The following FLII variants were observed in gnomAD, a reference collection of about 807,000 sequenced individuals.
FLII encodes FLII actin remodeling protein.
Under a neutral mutation model 156.2 loss-of-function variants are expected in FLII, and 101 were observed. The ratio of observed to expected loss-of-function variants is 0.65; its 90% CI spans 0.55 to 0.76. The LOEUF (loss-of-function observed/expected upper bound fraction) is 0.76, where lower values mean the gene tolerates loss of function less well. Ranked by LOEUF, FLII falls within the 30% of genes least tolerant of loss-of-function variation. The pLI, the probability that FLII is intolerant of heterozygous loss-of-function variation, is 0.00. For missense variants in FLII, 1,675 were observed against 1,682.8 expected (o/e 1.00, Z 0.08); for synonymous variants, 767 against 685.8 (o/e 1.12, Z -1.85).
chr17:18,248,919 G>A (rs1183607588), intron 16 of FLII, 36 bp from the exon 17 acceptor site: 4 of 1,565,074 alleles, frequency 2.6e-6, no homozygotes, highest in Non-Finnish European at 8.8e-7. Flanking sequence ...CTGTGATGGT[G>A]CATGGGGCAA....
At chr17:18,249,468 G>T in intron 14 of FLII, 60 bp from the exon 15 acceptor site, 1 of 1,325,676 alleles carries the variant, frequency 7.5e-7, no homozygotes, top group Non-Finnish European at 1.1e-6. Flanking sequence ...ACCAACCACT[G>T]CCCCTCAGGT....
chr17:18,255,149 A>G, intron 4 of FLII, 34 bp downstream of exon 4: 2 of 1,523,548 alleles, frequency 1.3e-6, no homozygotes, highest in South Asian at 2.2e-5. Context: ...TGGTCCGGCT[A>G]GCACAGGGGC....
At position 18,258,028 on chromosome 17, in the gene FLII, A is replaced by C. The variant is rs1026259061; in HGVS notation, c.63+600T>G. 1.3e-5 allele frequency among the ~76,000 whole-genome samples: 2 copies of C among 152,084 alleles called. No homozygotes were observed. The highest frequency in any genetic ancestry group is 2.9e-5 in the Non-Finnish European group (2 of 68,018). The stretch of plus-strand genomic sequence containing the variant: ...TCCAGCAGCTGCTCAGACAACTGCC[A>C]CCCAGCACCTGGCACACCGGCCTGA... On this transcript the variant is annotated intron_variant, in intron 1 of 29. Coordinates refer to ENST00000327031, the MANE Select transcript of FLII (RefSeq NM_002018.4). The surrounding 1 kb of genome is among the most constrained non-coding windows in gnomAD (Gnocchi z 4.2).
chr17:18,245,855 G>C lies in FLII; in HGVS notation c.3397-5C>G, dbSNP rs201102528. Reference sequence around the variant, plus strand: ...CTCCTCACCTTCGTTGATAACCTGCGGGAAAGGCCAGTCCAGCCCAGGGCC... The same window carrying C: ...CTCCTCACCTTCGTTGATAACCTGCCGGAAAGGCCAGTCCAGCCCAGGGCC... On this transcript the variant is annotated splice_region_variant and splice_polypyrimidine_tract_variant and intron_variant, in intron 26 of 29. Coordinates refer to ENST00000327031, the MANE Select transcript of FLII (RefSeq NM_002018.4). 13 of 1,613,826 alleles carry C rather than the reference G, an allele frequency of 8.1e-6. No individual in the cohort carries two copies. The highest frequency in any genetic ancestry group is 1.1e-5 in the Non-Finnish European group (13 of 1,179,956).
rs765020654 is a variant in FLII at position 18,247,801 on chromosome 17, C to G, written c.2343G>C (p.Trp781Cys). 1 of 1,612,814 alleles carries G rather than the reference C, an allele frequency of 6.2e-7. No homozygotes were observed. Among genetic ancestry groups the G allele is most frequent in the South Asian group, 1.1e-5 (1 of 91,078 alleles). ...DTRCVYILDC[W>C]SDVFIWLGRK... is the part of the protein sequence containing the mutation. ...GGCCGAGCCAGATGAACACGTCGGA[C>G]CAACAGTCCAGAATGTACACGCAGC... The change falls in exon 20 of 30, where the codon TGG becomes TGC. Residue 781 changes from tryptophan (W) to cysteine (C), a missense_variant. By Grantham distance (215) the Trp-to-Cys change is radical (BLOSUM62 -2). Transcript: ENST00000327031.
chr17:18,254,748 T>G, intron 5 of FLII, 21 bp downstream of exon 5: 1 of 1,614,014 alleles, frequency 6.2e-7, no homozygotes. Context: ...ACCTGCCCCC[T>G]GCCCCCCACT....
Position 18,258,605 on chromosome 17 carries a change from G to A in FLII, c.63+23C>T, listed in dbSNP as rs1378832732. ...GAAGAGAAGGCCTGCAGGGAGGCCCGGCACGCGCCCGGCCCGGCTCACCTT... is the reference window on the plus strand; with the variant it reads ...GAAGAGAAGGCCTGCAGGGAGGCCCAGCACGCGCCCGGCCCGGCTCACCTT... On this transcript the variant is annotated intron_variant, in intron 1 of 29. Coordinates refer to ENST00000327031, the MANE Select transcript of FLII (RefSeq NM_002018.4). This position sits in a 1 kb window ranked among gnomAD's most constrained non-coding sequence, Gnocchi z 4.2. The A allele has an allele frequency of 3.2e-6, 5 of 1,548,354 alleles. No homozygotes were observed. The highest frequency in any genetic ancestry group is 4.3e-6 in the Non-Finnish European group (5 of 1,156,650).
In FLII at chr17:18,244,966, C is replaced by T. The variant is rs552089359; in HGVS notation, c.*172G>A. On this transcript the variant is annotated 3_prime_UTR_variant, in exon 30 of 30. Transcript: ENST00000327031. ...TGGAGAGAGTTGGATTTCCCAGACCCCTGAGGGCACCTGTCAGGGTCATCC... is the reference window on the plus strand; with the variant it reads ...TGGAGAGAGTTGGATTTCCCAGACCTCTGAGGGCACCTGTCAGGGTCATCC... The T allele has an allele frequency of 1.4e-6, 1 of 718,266 alleles. No individual in the cohort carries two copies. The highest frequency in any genetic ancestry group is 2.4e-5 in the Admixed American group (1 of 41,678). 44.5% of individuals were successfully genotyped at this position (718,266 alleles called of 1,614,324 possible). A position where few individuals can be genotyped will look rare whatever the true frequency, so the allele number is the denominator to read the frequency against.
chr17:18,253,346 A>C lies in FLII; in HGVS notation c.968T>G (p.Met323Arg). Residue 323 changes from methionine to arginine, a missense_variant, in exon 9 of 30, where the codon ATG (methionine) becomes AGG (arginine). Around this residue, in one of 2 missense-constraint regions of FLII, gnomAD observed 1,332 missense variants for 1,269.3 expected, o/e 1.05. Coordinates refer to ENST00000327031, the MANE Select transcript of FLII (RefSeq NM_002018.4). Reference sequence around the variant, plus strand: ...CAGCTCCAGGTTGTTGTTGGCAGCCATGAACTCTTCCAGGTTGGTGAGCTT... The same window carrying C: ...CAGCTCCAGGTTGTTGTTGGCAGCCCTGAACTCTTCCAGGTTGGTGAGCTT... ...IGKLTNLEEF[M>R]AANNNLELVP... 1 of 1,613,960 alleles carries C rather than the reference A, an allele frequency of 6.2e-7. No homozygotes were observed.
At chr17:18,245,872 C>T (rs1372794432) in intron 26 of FLII, 22 bp from the exon 27 acceptor site, 4 of 1,613,928 alleles carry the variant, frequency 2.5e-6, no homozygotes, top group Non-Finnish European at 3.4e-6. Context: ...GCCAGTCCAG[C>T]CCAGGGCCCC....
In FLII at chr17:18,249,376, A is replaced by G. The variant is rs776519015; in HGVS notation, c.1809T>C (p.Gly603=). 3.4e-5 allele frequency: 55 copies of G among 1,613,734 alleles called. 1 individual carries two copies. The South Asian group carries it at 5.8e-4, about 17-fold the overall frequency. The change falls in exon 15 of 30, where the codon GGT becomes GGC. Residue 603 remains glycine (G), a synonymous_variant. Transcript: ENST00000327031. The part of the protein sequence containing the change: ...VFDNDISYIE[G]GTASGFYTVE... ...CAGTGTAGAAGCCACTGGCTGTTCC[A>G]CCCTCAATGTAGGAGATGTCGTTGT...
In FLII at chr17:18,256,908, C is replaced by G; in HGVS notation, c.174+1G>C. 1 of 1,601,536 alleles carries G rather than the reference C, an allele frequency of 6.2e-7. No individual in the cohort carries two copies. The highest frequency in any genetic ancestry group is 8.5e-7 in the Non-Finnish European group (1 of 1,173,004). On this transcript the variant is annotated splice_donor_variant, in intron 2 of 29. Coordinates refer to ENST00000327031, the MANE Select transcript of FLII (RefSeq NM_002018.4). LOFTEE classifies it high-confidence loss of function. ...TCCCCTGCCCGCCCAAACCCCCTTA[C>G]CAGCTTCTGCAGGGCGGCCAGCTCC...
intron 3 of FLII, 53 bp from the exon 4 acceptor site, chr17:18,255,316 AAC>A: frequency 6.8e-7 from 1 of 1,468,378 alleles, no homozygotes; most frequent in Non-Finnish European, 9.5e-7. Context: ...CTCAGGAAGG[AAC>A]AGAGTCTAGA....
chr17:18,249,890 G>A (rs1206069782), intron 14 of FLII, among the ~76,000 whole-genome samples: 7 of 152,176 alleles, frequency 4.6e-5, no homozygotes, highest in East Asian at 1.9e-4. Context: ...AGGCCAAGGC[G>A]GGTGGATCAC....
intron 10 of FLII, 66 bp from the exon 11 acceptor site, chr17:18,252,212 G>T: frequency 6.8e-7 from 1 of 1,464,872 alleles, no homozygotes; most frequent in Non-Finnish European, 9.5e-7. Flanking sequence ...CACCAATCCA[G>T]TTTCTTGCTC....
chr17:18,244,909 AGT>A lies in FLII; in HGVS notation c.*227_*228del, dbSNP rs2047970866. ...ACATCTGCTTTATCCCTAGCGGAAGAGTGAGGGGGCTTCACACGTGCACTCAC... is the reference window on the plus strand; with the variant it reads ...ACATCTGCTTTATCCCTAGCGGAAGAGAGGGGGCTTCACACGTGCACTCAC... On this transcript the variant is annotated 3_prime_UTR_variant, in exon 30 of 30. Transcript: ENST00000327031. The A allele has an allele frequency of 1.8e-6, 1 of 547,402 alleles. No homozygotes were observed. Among genetic ancestry groups the A allele is most frequent in the South Asian group, 3.0e-5 (1 of 32,814 alleles). 33.9% of individuals were successfully genotyped at this position (547,402 alleles called of 1,614,324 possible). A position where few individuals can be genotyped will look rare whatever the true frequency, so the allele number is the denominator to read the frequency against.
chr17:18,254,435 A>G, intron 6 of FLII, 86 bp downstream of exon 6: 1 of 1,359,904 alleles, frequency 7.4e-7, no homozygotes, highest in Non-Finnish European at 9.9e-7. Context: ...CCTAAGGGAG[A>G]AGGGTTAGGG....
intron 2 of FLII, 53 bp downstream of exon 2, chr17:18,256,856 G>A: frequency 8.2e-7 from 1 of 1,221,586 alleles, no homozygotes; most frequent in South Asian, 1.3e-5. Flanking sequence ...CACAGGCTCT[G>A]CCCACCTGGC....
chr17:18,251,903 A>T, intron 11 of FLII, 87 bp from the exon 12 acceptor site: 4 of 1,605,510 alleles, frequency 2.5e-6, no homozygotes, highest in Admixed American at 1.7e-5. Context: ...TCCACCCACC[A>T]GGGTCCAGAA....
Sources: gnomAD v4.1 joint callset for allele counts (sites outside exome capture counted in the v4.1 genomes callset) on GRCh38, gnomAD v4.1.1 for gene constraint, gnomAD v4.1.1 regional missense constraint, Gnocchi (gnomAD v3.1) non-coding constraint, MANE v1.5 for transcripts, NCBI Gene and HGNC (gene_info 2026-07-23, HGNC 2026-07-21) for gene names.